CUTC: variants seen among roughly 807,000 people sequenced by gnomAD.
CUTC encodes copper homeostasis protein cutC homolog.
In CUTC, 27 loss-of-function variants were observed where a neutral mutation model predicts 36.2. That is an observed-to-expected ratio of 0.75 (90% CI 0.55 to 1.03). The LOEUF is 1.03. Among genes scored for constraint, CUTC ranks in the 50% least tolerant of loss-of-function variants. The pLI is 0.00. For synonymous variants in CUTC, 114 were observed against 118.3 expected, an observed-to-expected ratio of 0.96 and a Z score of 0.24; for missense variants, 315 against 343.5, an observed-to-expected ratio of 0.92 and a Z score of 0.66.
Position 99,735,561 on chromosome 10 carries a change from C to T in CUTC, c.62-685C>T, listed in dbSNP as rs543072862. ...TAGCTGGGATTACAGGCGCATGCCA[C>T]GATGCCTGGCTAATTTTTGTATTTT... On this transcript the variant is annotated intron_variant, in intron 1 of 8. Coordinates refer to ENST00000370476, the MANE Select transcript of CUTC (RefSeq NM_015960.3). Among the ~76,000 whole-genome samples the T allele has an allele frequency of 1.2e-4, 19 of 152,270 alleles. 1 individual carries two copies. In the East Asian group the frequency reaches 1.5e-3, roughly 12 times the overall value.
chr10:99,734,511 A>G (rs2037278292), intron 1 of CUTC, among the ~76,000 whole-genome samples: 2 of 152,238 alleles, frequency 1.3e-5, no homozygotes, highest in Admixed American at 1.3e-4. Context: ...GCAATAAAGA[A>G]AAGTAAAAAG....
intron 7 of CUTC, among the ~76,000 whole-genome samples, chr10:99,752,984 T>G (rs2037430696): frequency 6.6e-6 from 1 of 152,184 alleles, no homozygotes; most frequent in Non-Finnish European, 1.5e-5. Flanking sequence ...TTGAGAAATA[T>G]AAAGAGGTAG....
At position 99,743,164 on chromosome 10, in the gene CUTC, G is replaced by A. The variant is rs1191623377; in HGVS notation, c.205G>A (p.Val69Ile). The A allele has an allele frequency of 1.9e-6, 3 of 1,613,920 alleles. No homozygotes were observed. The African/African-American group carries it at 4.0e-5, about 22-fold the overall frequency. ...TTCTTTTCTTGTAGGTGTCCTTCAA[G>A]TAGTGAAGCAGAGTGTTCAGATCCC... The part of the protein sequence containing the change: ...GTTPSMGVLQ[V>I]VKQSVQIPVF... The change falls in exon 4 of 9, where the codon GTA becomes ATA. Residue 69 changes from valine (V) to isoleucine (I), a missense_variant. Coordinates refer to ENST00000370476, the MANE Select transcript of CUTC (RefSeq NM_015960.3).
intron 1 of CUTC, among the ~76,000 whole-genome samples, chr10:99,733,509 G>C (rs2037252603): frequency 6.6e-6 from 1 of 151,666 alleles, no homozygotes; most frequent in African/African-American, 2.4e-5. Flanking sequence ...GGATTCTCAT[G>C]CCCGCTGCTT....
chr10:99,732,324 C>T lies in CUTC; in HGVS notation c.-25C>T, dbSNP rs943531591. 6.4e-6 allele frequency: 10 copies of T among 1,551,098 alleles called. No homozygotes were observed. Among genetic ancestry groups the T allele is most frequent in the Middle Eastern group, 1.7e-4 (1 of 5,778 alleles). ...CCAAATTCCAAGTGGAAACTGCAGG[C>T]GCACGAGGGAGGAACGCGTGGAGCA... is the stretch of plus-strand genomic sequence containing the variant. On this transcript the variant is annotated 5_prime_UTR_variant, in exon 1 of 9. Coordinates refer to ENST00000370476, the MANE Select transcript of CUTC (RefSeq NM_015960.3).
Position 99,755,667 on chromosome 10 carries a change from A to G in CUTC, c.750A>G (p.Glu250=). The G allele has an allele frequency of 6.2e-7, 1 of 1,613,956 alleles. No individual in the cohort carries two copies. Among genetic ancestry groups the G allele is most frequent in the Non-Finnish European group, 8.5e-7 (1 of 1,179,874 alleles). ...VAMGASLSCS[E]YSLKVTDVTK... ...TGGGAGCCTCACTTTCTTGCTCAGA[A>G]TATTCCCTAAAGGTAACAGATGTGA... The change falls in exon 9 of 9, where the codon GAA becomes GAG. Residue 250 remains glutamate (E), a synonymous_variant. Transcript: ENST00000370476.
chr10:99,747,400 CT>C lies in CUTC; in HGVS notation c.573+13del. ...GCGACTCATTGAGCAGGTACGTGGA[CT>C]TTATCTTTTTTTCCCCTAAGACTCT... On this transcript the variant is annotated intron_variant, in intron 6 of 8. Coordinates refer to ENST00000370476, the MANE Select transcript of CUTC (RefSeq NM_015960.3). 1 of 1,613,820 alleles carries C rather than the reference CT, an allele frequency of 6.2e-7. No homozygotes were observed. The highest frequency in any genetic ancestry group is 8.5e-7 in the Non-Finnish European group (1 of 1,179,886).
chr10:99,743,720 C>T (rs2037356963), intron 4 of CUTC, among the ~76,000 whole-genome samples: 2 of 152,142 alleles, frequency 1.3e-5, no homozygotes, highest in African/African-American at 2.4e-5. Context: ...AAGCAAACTA[C>T]CTATGTTACT....
At chr10:99,732,577 C>T in intron 1 of CUTC, 168 bp downstream of exon 1, 6 of 1,437,196 alleles carry the variant, frequency 4.2e-6, no homozygotes, top group Non-Finnish European at 4.6e-6. Flanking sequence ...AAACGGAGGG[C>T]GTGACGAGGG....
chr10:99,736,932 C>T (rs961563965), intron 2 of CUTC, among the ~76,000 whole-genome samples: 18 of 152,130 alleles, frequency 1.2e-4, no homozygotes, highest in African/African-American at 2.4e-4. Flanking sequence ...CCTTGCTGGA[C>T]ACATTTGATC....
In CUTC at chr10:99,736,350, C is replaced by G. The variant is rs183661266; in HGVS notation, c.133+33C>G. ...AAATCAGATAGTGAATGACCGTTGG[C>G]TACCCTTTTAAGAGTCTGAAAATTA... On this transcript the variant is annotated intron_variant, in intron 2 of 8. Coordinates refer to ENST00000370476, the MANE Select transcript of CUTC (RefSeq NM_015960.3). 4.6e-6 allele frequency: 7 copies of G among 1,524,970 alleles called. No individual in the cohort carries two copies. In the East Asian group the frequency reaches 1.6e-4, roughly 34 times the overall value. 94.5% of individuals were successfully genotyped at this position (1,524,970 alleles called of 1,614,324 possible).
intron 2 of CUTC, among the ~76,000 whole-genome samples, chr10:99,736,721 A>G (rs1184357042): frequency 6.6e-6 from 1 of 152,180 alleles, no homozygotes; most frequent in Non-Finnish European, 1.5e-5. Context: ...AGACATTTCC[A>G]TCATCTCAGG....
intron 6 of CUTC, among the ~76,000 whole-genome samples, chr10:99,748,203 G>C (rs2037392993): frequency 6.6e-6 from 1 of 152,194 alleles, no homozygotes; most frequent in Non-Finnish European, 1.5e-5. Context: ...GTGTGAAACT[G>C]AGATGAGTTT....
At chr10:99,749,630 A>G (rs771605202) in intron 6 of CUTC, among the ~76,000 whole-genome samples, 2 of 152,186 alleles carry the variant, frequency 1.3e-5, no homozygotes, top group Non-Finnish European at 2.9e-5. Context: ...CTTTTTAGAT[A>G]GTCAATGTTT....
In CUTC at chr10:99,743,215, G is replaced by A. The variant is rs1327638683; in HGVS notation, c.256G>A (p.Gly86Arg). 6.2e-7 allele frequency: 1 copy of A among 1,614,014 alleles called. No individual in the cohort carries two copies. The highest frequency in any genetic ancestry group is 8.5e-7 in the Non-Finnish European group (1 of 1,180,032). Residue 86 changes from glycine to arginine, a missense_variant, in exon 4 of 9, where the codon GGA (glycine) becomes AGA (arginine). Gly to Arg is a moderately radical substitution (Grantham distance 125). Coordinates refer to ENST00000370476, the MANE Select transcript of CUTC (RefSeq NM_015960.3). ...AGTTTTTGTGATGATTCGGCCACGG[G>A]GAGGTGATTTTTTGTATTCAGATCG... ...IPVFVMIRPRGGDFLYSDREI... is the reference protein window; with the variant it reads ...IPVFVMIRPRRGDFLYSDREI...
At chr10:99,749,372 AT>A (rs771853452) in intron 6 of CUTC, among the ~76,000 whole-genome samples, 1 of 152,132 alleles carries the variant, frequency 6.6e-6, no homozygotes, top group Non-Finnish European at 1.5e-5. Flanking sequence ...GTTGTGAGGG[AT>A]TTCTTCAGGT....
intron 2 of CUTC, among the ~76,000 whole-genome samples, chr10:99,737,163 G>T (rs2037303867): frequency 6.6e-6 from 1 of 151,876 alleles, no homozygotes. Context: ...CCAGCTACTT[G>T]GGAGGCTAAG....
At chr10:99,741,524 CT>C (rs2037340637) in intron 3 of CUTC, among the ~76,000 whole-genome samples, 1 of 151,918 alleles carries the variant, frequency 6.6e-6, no homozygotes, top group African/African-American at 2.4e-5. Context: ...CCTTCCTTTC[CT>C]TTCTTTTCTT....
chr10:99,755,435 A>T (rs1447511811), intron 8 of CUTC, among the ~76,000 whole-genome samples, 190 bp from the exon 9 acceptor site: 1 of 151,850 alleles, frequency 6.6e-6, no homozygotes, highest in Non-Finnish European at 1.5e-5. Flanking sequence ...CCAGATATAA[A>T]ATCAAGTATA....
Sources: gnomAD v4.1 joint callset for allele counts (sites outside exome capture counted in the v4.1 genomes callset) on GRCh38, gnomAD v4.1.1 for gene constraint, MANE v1.5 for transcripts, NCBI Gene and HGNC (gene_info 2026-07-23, HGNC 2026-07-21) for gene names.